The following RBBP8 variants were observed in gnomAD, a reference collection of about 807,000 sequenced individuals.
RBBP8 encodes the protein DNA endonuclease RBBP8.
Under a neutral mutation model 108.3 loss-of-function variants are expected in RBBP8, and 88 were observed. The ratio of observed to expected loss-of-function variants is 0.81; its 90% CI spans 0.68 to 0.97. The LOEUF (loss-of-function observed/expected upper bound fraction) is 0.97, where lower values mean the gene tolerates loss of function less well. Ranked by LOEUF, RBBP8 falls within the 50% of genes least tolerant of loss-of-function variation. The pLI, the probability that RBBP8 is intolerant of heterozygous loss-of-function variation, is 0.00. For synonymous variants in RBBP8, 332 were observed against 348.2 expected, an observed-to-expected ratio of 0.95 and a Z score of 0.52; for missense variants, 1,023 against 1,049.0, an observed-to-expected ratio of 0.98 and a Z score of 0.34.
intron 15 of RBBP8, among the ~76,000 whole-genome samples, chr18:23,003,829 C>T (rs952541363): frequency 2.6e-5 from 4 of 151,916 alleles, no homozygotes; most frequent in East Asian, 1.9e-4. Context: ...ATGGCCAAGG[C>T]GGGCGGATCA....
At chr18:22,914,398 T>C (rs1402522276) in intron 1 of RBBP8, 6 of 152,032 alleles carry the variant, frequency 3.9e-5, no homozygotes, top group African/African-American at 9.7e-5. Context: ...ATTTTTAACA[T>C]AGTAATACCT....
At chr18:22,958,929 C>T (rs755260330) in intron 4 of RBBP8, among the ~76,000 whole-genome samples, 1 of 152,186 alleles carries the variant, frequency 6.6e-6, no homozygotes, top group South Asian at 2.1e-4. Flanking sequence ...TTCTAGAAAG[C>T]TGTCATTCTG....
At chr18:23,021,678 CT>C (rs1392480230) in intron 17 of RBBP8, among the ~76,000 whole-genome samples, 1 of 152,130 alleles carries the variant, frequency 6.6e-6, no homozygotes, top group Non-Finnish European at 1.5e-5. Flanking sequence ...AAGAAAATTA[CT>C]TTGAAACACA....
chr18:22,982,201 T>C lies in RBBP8; in HGVS notation c.429-17T>C, dbSNP rs1178322505. ...ACTCATTGAATTGATTTTCTTTCCA[T>C]TGTCATTCTTCTCTAGGAATGATCA... On this transcript the variant is annotated splice_polypyrimidine_tract_variant and intron_variant, in intron 6 of 18. Transcript: ENST00000327155. The C allele has an allele frequency of 6.2e-7, 1 of 1,609,414 alleles. No homozygotes were observed. Among genetic ancestry groups the C allele is most frequent in the South Asian group, 1.1e-5 (1 of 90,952 alleles).
At chr18:22,962,704 C>A (rs1171102335) in intron 4 of RBBP8, among the ~76,000 whole-genome samples, 1 of 146,294 alleles carries the variant, frequency 6.8e-6, no homozygotes, top group African/African-American at 2.5e-5. Context: ...CCTCTCCACC[C>A]CCCCTACCTC....
intron 7 of RBBP8, among the ~76,000 whole-genome samples, chr18:22,983,953 C>T (rs985797783): frequency 1.3e-5 from 2 of 152,100 alleles, no homozygotes; most frequent in East Asian, 1.9e-4. Flanking sequence ...TGGTGGCACA[C>T]GCGTGCAGTC....
chr18:22,998,277 A>AT (rs1309644113), intron 14 of RBBP8, among the ~76,000 whole-genome samples: 1 of 152,238 alleles, frequency 6.6e-6, no homozygotes, highest in African/African-American at 2.4e-5. Context: ...AAGTCTTAGT[A>AT]TAGTTTTACA....
chr18:22,962,801 A>G (rs930281661), intron 4 of RBBP8, among the ~76,000 whole-genome samples: 2 of 151,380 alleles, frequency 1.3e-5, no homozygotes, highest in East Asian at 1.9e-4. Flanking sequence ...GGGTTTCACC[A>G]TGTTGGCCAG....
chr18:22,989,808 G>T (rs1598712575), intron 9 of RBBP8, among the ~76,000 whole-genome samples: 1 of 152,016 alleles, frequency 6.6e-6, no homozygotes, highest in Non-Finnish European at 1.5e-5. Flanking sequence ...AAATAGCTGG[G>T]ACTACAGACA....
chr18:22,921,848 C>A (rs986161443), intron 3 of RBBP8, among the ~76,000 whole-genome samples: 1 of 152,134 alleles, frequency 6.6e-6, no homozygotes, highest in Non-Finnish European at 1.5e-5. Flanking sequence ...TTAGTATGTA[C>A]GCTGTAAATA....
At chr18:22,952,596 T>G (rs1475657415) in intron 4 of RBBP8, among the ~76,000 whole-genome samples, 1 of 152,108 alleles carries the variant, frequency 6.6e-6, no homozygotes, top group African/African-American at 2.4e-5. Flanking sequence ...CTTTTAGCAC[T>G]CTAATCTGTG....
At chr18:22,951,285 T>G (rs1367934878) in intron 4 of RBBP8, among the ~76,000 whole-genome samples, 1 of 152,200 alleles carries the variant, frequency 6.6e-6, no homozygotes, top group African/African-American at 2.4e-5. Flanking sequence ...TAACAGAAGT[T>G]GAATAAGACT....
chr18:23,023,869 C>CTTTT (rs10655759), intron 18 of RBBP8, among the ~76,000 whole-genome samples: 2,673 of 85,976 alleles, frequency 0.031, 141 homozygotes, highest in African/African-American at 0.054. Context: ...ATGAAGGGGC[C>CTTTT]TTTTTTTTTT....
chr18:22,919,572 T>C (rs1909502288), intron 3 of RBBP8, among the ~76,000 whole-genome samples: 1 of 152,168 alleles, frequency 6.6e-6, no homozygotes, highest in South Asian at 2.1e-4. Flanking sequence ...TTTCTTTTTT[T>C]GAGAGAGAGA....
chr18:23,007,452 C>T (rs111623420), intron 16 of RBBP8, among the ~76,000 whole-genome samples: 2,438 of 151,664 alleles, frequency 0.016, 68 homozygotes, highest in African/African-American at 0.056. Context: ...CGCTTGTAAT[C>T]CCAGCACTTT....
intron 16 of RBBP8, among the ~76,000 whole-genome samples, chr18:23,013,416 T>A (rs999777230): frequency 3.3e-5 from 5 of 152,198 alleles, no homozygotes; most frequent in African/African-American, 9.7e-5. Context: ...AACCAGTTTT[T>A]TGGTATGAGT....
intron 4 of RBBP8, among the ~76,000 whole-genome samples, chr18:22,961,606 G>A (rs1913104488): frequency 1.3e-5 from 2 of 152,222 alleles, no homozygotes; most frequent in Non-Finnish European, 2.9e-5. Context: ...GCCCAGGACA[G>A]CTTTGAATGC....
intron 4 of RBBP8, among the ~76,000 whole-genome samples, chr18:22,958,817 T>TC (rs1393120098): frequency 1.3e-5 from 2 of 152,310 alleles, no homozygotes; most frequent in East Asian, 3.9e-4. Flanking sequence ...ACTGAGATTA[T>TC]AGGCATGAGC....
chr18:22,996,381 C>T lies in RBBP8; in HGVS notation c.1947C>T (p.Ser649=), dbSNP rs201979572. The stretch of plus-strand genomic sequence containing the variant: ...TCTTTCCCTTTACCTAAGATGTATC[C>T]TTTGAAAATATCCAGTGGAGTATAG... ...IKSLQNNQDV[S]FENIQWSIDP... is the part of the protein sequence containing the mutation. The change falls in exon 13 of 19, where the codon TCC becomes TCT. Residue 649 remains serine, a synonymous_variant. Coordinates refer to ENST00000327155, the MANE Select transcript of RBBP8 (RefSeq NM_002894.3). 3.7e-6 allele frequency: 6 copies of T among 1,613,320 alleles called. No individual in the cohort carries two copies. The highest frequency in any genetic ancestry group is 5.1e-6 in the Non-Finnish European group (6 of 1,179,842).
Sources: allele counts gnomAD v4.1 joint callset (sites outside exome capture counted in the v4.1 genomes callset), GRCh38; gene constraint gnomAD v4.1.1; transcripts MANE v1.5; gene names NCBI Gene and HGNC (gene_info 2026-07-23, HGNC 2026-07-21).